HIP1: variants seen among roughly 807,000 people sequenced by gnomAD.
HIP1 encodes huntingtin-interacting protein 1.
A neutral mutation model predicts 147.6 loss-of-function variants in HIP1; 65 were observed. That is an observed-to-expected ratio of 0.44 (90% CI 0.36 to 0.54). The LOEUF is 0.54. Ranked by LOEUF, HIP1 falls within the 20% of genes least tolerant of loss-of-function variation. The pLI is 0.00. For missense variants in HIP1, 1,061 were observed against 1,299.6 expected (o/e 0.82, Z 2.82); for synonymous variants, 479 against 504.0 (o/e 0.95, Z 0.67).
intron 1 of HIP1, among the ~76,000 whole-genome samples, chr7:75,719,781 TC>T (rs1168813158): frequency 6.6e-6 from 1 of 152,120 alleles, no homozygotes; most frequent in African/African-American, 2.4e-5. Context: ...TCTGCCATCC[TC>T]TCTGTAAAAC....
chr7:75,543,051 T>C, intron 27 of HIP1, 77 bp from the exon 28 acceptor site: 1 of 1,469,382 alleles, frequency 6.8e-7, no homozygotes, highest in Non-Finnish European at 9.2e-7. Context: ...GCTCTGATGG[T>C]TCTTAGCAAA....
chr7:75,712,366 C>T (rs1261578262), intron 1 of HIP1, among the ~76,000 whole-genome samples: 1 of 152,116 alleles, frequency 6.6e-6, no homozygotes, highest in African/African-American at 2.4e-5. Context: ...CAGGCACTGA[C>T]AAACAGCTTT....
rs373706382 is a variant in HIP1, at chr7:75,595,999, A to G, written c.184+3185T>C. On this transcript the variant is annotated intron_variant, in intron 2 of 30. Coordinates refer to ENST00000336926, the MANE Select transcript of HIP1 (RefSeq NM_005338.7). ...ACGCCTGTAATTGCAGCACTTTGGG[A>G]GGCCCAGCGGGAGGACTGCTTGAGC... 5.0e-3 allele frequency among the ~76,000 whole-genome samples: 756 copies of G among 152,262 alleles called. 6 individuals carry two copies. The highest frequency in any genetic ancestry group is 0.017 in the African/African-American group (723 of 41,558).
chr7:75,582,027 T>C, intron 6 of HIP1, 48 bp downstream of exon 6: 2 of 1,487,400 alleles, frequency 1.3e-6, no homozygotes, highest in Non-Finnish European at 1.9e-6. Flanking sequence ...AGTGTCAGCA[T>C]TCACAAAAGC....
intron 1 of HIP1, chr7:75,639,174 G>T: frequency 1.0e-6 from 1 of 983,986 alleles, no homozygotes; most frequent in Non-Finnish European, 1.2e-6. Context: ...GAGGGCGGCC[G>T]GCAGGGCCCC....
intron 5 of HIP1, among the ~76,000 whole-genome samples, chr7:75,583,440 T>G (rs1359212438): frequency 3.3e-5 from 5 of 152,120 alleles, no homozygotes; most frequent in Admixed American, 3.3e-4. Context: ...ATGCACTGGG[T>G]GGCTTAACCC....
chr7:75,664,052 A>G (rs1171013252), intron 1 of HIP1, among the ~76,000 whole-genome samples: 1 of 86,916 alleles, frequency 1.2e-5, no homozygotes, highest in East Asian at 3.3e-4. Context: ...ATATATGTGT[A>G]TATACACATA....
intron 1 of HIP1, among the ~76,000 whole-genome samples, chr7:75,632,150 T>C (rs587679944): frequency 5.3e-5 from 8 of 152,340 alleles, no homozygotes; most frequent in African/African-American, 1.9e-4. Context: ...TGTCTATTGA[T>C]GCGTGGTCGC....
chr7:75,570,682 T>C (rs1795595970), intron 8 of HIP1, among the ~76,000 whole-genome samples: 1 of 152,156 alleles, frequency 6.6e-6, no homozygotes, highest in South Asian at 2.1e-4. Flanking sequence ...ATAACTTTTC[T>C]GTAGATCTAA....
rs782781767 is a variant in HIP1 at position 75,539,285 on chromosome 7, C to T, written c.3061+38G>A. On this transcript the variant is annotated intron_variant, in intron 30 of 30. Transcript: ENST00000336926. ...GCCCTGGCCACACAGCTTCCCCTCCCTGCTGCGGGTTAGTGCCCATCCTTG... is the reference window on the plus strand; with the variant it reads ...GCCCTGGCCACACAGCTTCCCCTCCTTGCTGCGGGTTAGTGCCCATCCTTG... The T allele has an allele frequency of 3.4e-6, 5 of 1,479,718 alleles. No homozygotes were observed. In the South Asian group the frequency reaches 5.7e-5, roughly 17 times the overall value. The allele number at this position is 1,479,718 out of a possible 1,614,324, so 91.7% of individuals were successfully genotyped here. A position where few individuals can be genotyped will look rare whatever the true frequency, so the allele number is the denominator to read the frequency against.
chr7:75,620,383 CT>C (rs34293597), intron 1 of HIP1, among the ~76,000 whole-genome samples: 1,937 of 110,322 alleles, frequency 0.018, 22 homozygotes, highest in Non-Finnish European at 0.023. Context: ...AAGACCATGT[CT>C]TTAAAAAAAA....
intron 1 of HIP1, among the ~76,000 whole-genome samples, chr7:75,649,522 CAG>C (rs1257040383): frequency 6.6e-6 from 1 of 151,162 alleles, no homozygotes; most frequent in Non-Finnish European, 1.5e-5. Context: ...TGGAGGAAAA[CAG>C]AGGTTGTTAT....
At chr7:75,633,820 C>G (rs1429131049) in intron 1 of HIP1, among the ~76,000 whole-genome samples, 2 of 152,196 alleles carry the variant, frequency 1.3e-5, no homozygotes, top group African/African-American at 4.8e-5. Context: ...CTTTTCCGCT[C>G]TGCCATCAAT....
intron 1 of HIP1, among the ~76,000 whole-genome samples, chr7:75,649,675 G>C (rs1798910447): frequency 6.6e-6 from 1 of 152,174 alleles, no homozygotes; most frequent in East Asian, 1.9e-4. Flanking sequence ...GCTGTGATGT[G>C]TAGCCAAGAC....
intron 1 of HIP1, among the ~76,000 whole-genome samples, chr7:75,729,508 G>A (rs73372194): frequency 0.012 from 1,770 of 151,732 alleles, 34 homozygotes; most frequent in African/African-American, 0.041. Context: ...AAAAGCGGCC[G>A]GGCGCAATGG....
chr7:75,729,298 G>A (rs1480220204), intron 1 of HIP1, among the ~76,000 whole-genome samples: 2 of 93,662 alleles, frequency 2.1e-5, no homozygotes, highest in African/African-American at 8.9e-5. Context: ...GTGAGATCTT[G>A]TCTCTGCAAA....
chr7:75,730,386 C>A (rs1456603197), intron 1 of HIP1, among the ~76,000 whole-genome samples: 4 of 150,732 alleles, frequency 2.7e-5, no homozygotes, highest in Non-Finnish European at 5.9e-5. Flanking sequence ...GTTGCCCAGG[C>A]TGGAGTGCAA....
intron 15 of HIP1, among the ~76,000 whole-genome samples, 155 bp from the exon 16 acceptor site, chr7:75,557,925 G>A (rs782386380): frequency 1.2e-4 from 18 of 152,208 alleles, no homozygotes; most frequent in Non-Finnish European, 2.4e-4. Context: ...ACCTTCAGAT[G>A]CTTGATGCTC....
At chr7:75,595,392 G>A (rs1301816995) in intron 2 of HIP1, among the ~76,000 whole-genome samples, 2 of 150,496 alleles carry the variant, frequency 1.3e-5, no homozygotes, top group East Asian at 3.9e-4. Context: ...GCCCAGGCTG[G>A]AGTGCAGTGG....
Sources: allele counts gnomAD v4.1 joint callset (sites outside exome capture counted in the v4.1 genomes callset), GRCh38; gene constraint gnomAD v4.1.1; transcripts MANE v1.5; gene names NCBI Gene and HGNC (gene_info 2026-07-23, HGNC 2026-07-21).